Variants in WDPCP observed in about 807,000 individuals in gnomAD.
The protein encoded by WDPCP is WD repeat containing planar cell polarity effector.
Under a neutral mutation model 93.1 loss-of-function variants are expected in WDPCP, and 71 were observed. That is an observed-to-expected ratio of 0.76 (90% CI 0.63 to 0.93). The LOEUF (loss-of-function observed/expected upper bound fraction) is 0.93, where lower values mean the gene tolerates loss of function less well. WDPCP is among the 40% of genes least tolerant of loss of function. The probability of loss-of-function intolerance (pLI) is 0.00; values close to 1 mark genes in which losing one functional copy is unlikely to be tolerated. For missense variants in WDPCP, 844 were observed against 887.4 expected, an observed-to-expected ratio of 0.95 and a Z score of 0.62; for synonymous variants, 315 against 315.0, an observed-to-expected ratio of 1.00 and a Z score of 0.00.
At chr2:63,411,907 T>A (rs1398750390) in intron 9 of WDPCP, among the ~76,000 whole-genome samples, 2 of 151,886 alleles carry the variant, frequency 1.3e-5, no homozygotes, top group Admixed American at 6.6e-5. Flanking sequence ...AACAAAAAAA[T>A]GTCCAGGATC....
Position 63,381,934 on chromosome 2 carries a change from A to C in WDPCP, c.1596T>G (p.Leu532=), listed in dbSNP as rs762400349. The C allele has an allele frequency of 6.2e-6, 10 of 1,613,488 alleles. No individual in the cohort carries two copies. The highest frequency in any genetic ancestry group is 1.7e-4 in the Middle Eastern group (1 of 6,050). ...ISMSAIVNHL[L]RQKLTPEREA... is the part of the protein sequence containing the mutation. ...CTCTCTCTGGAGTGAGCTTCTGTCT[A>C]AGAAGATGGTTTACAATGGCGCTCA... Residue 532 remains leucine (L), a synonymous_variant, in exon 11 of 18, where the codon CTT becomes CTG. Transcript: ENST00000272321.
chr2:63,460,960 C>T (rs1251249698), intron 6 of WDPCP, among the ~76,000 whole-genome samples: 2 of 152,210 alleles, frequency 1.3e-5, no homozygotes, highest in East Asian at 3.9e-4. Context: ...AAAGGAAATA[C>T]ATGATGTTCT....
intron 2 of WDPCP, among the ~76,000 whole-genome samples, chr2:63,719,695 T>C (rs1034448313): frequency 1.3e-5 from 2 of 152,102 alleles, no homozygotes; most frequent in African/African-American, 2.4e-5. Context: ...TACATTCTTT[T>C]TGAGCGTATG....
intron 1 of WDPCP, among the ~76,000 whole-genome samples, chr2:63,548,394 C>A (rs183232681): frequency 1.3e-5 from 2 of 151,856 alleles, no homozygotes; most frequent in Non-Finnish European, 2.9e-5. Flanking sequence ...CAATAACATA[C>A]CTTCAAAATA....
At chr2:63,588,070 T>C (rs1708994236) in intron 1 of WDPCP, 127 bp downstream of exon 1, 3 of 1,192,064 alleles carry the variant, frequency 2.5e-6, no homozygotes, top group Non-Finnish European at 3.6e-6. Context: ...CATACTCCGC[T>C]CAGAAAAGGG....
chr2:63,626,882 G>T (rs947839465), intron 3 of WDPCP, among the ~76,000 whole-genome samples: 1 of 151,864 alleles, frequency 6.6e-6, no homozygotes, highest in African/African-American at 2.4e-5. Flanking sequence ...GTAGATGACG[G>T]GTTGATGGGT....
At chr2:63,153,347 G>T in intron 16 of WDPCP, 148 bp downstream of exon 16, 1 of 563,658 alleles carries the variant, frequency 1.8e-6, no homozygotes, top group Non-Finnish European at 3.1e-6. Flanking sequence ...CAGGCAACTT[G>T]GTATTTTATA....
At chr2:63,490,633 G>A (rs751053469) in intron 2 of WDPCP, among the ~76,000 whole-genome samples, 1 of 152,170 alleles carries the variant, frequency 6.6e-6, no homozygotes, top group Non-Finnish European at 1.5e-5. Flanking sequence ...TGCAGTTGGG[G>A]TTGAAGACTA....
intron 17 of WDPCP, among the ~76,000 whole-genome samples, chr2:63,122,419 A>G (rs947401474): frequency 6.6e-6 from 1 of 152,196 alleles, no homozygotes; most frequent in African/African-American, 2.4e-5. Flanking sequence ...AAGGTATTAT[A>G]TAGCATATAT....
At chr2:63,478,484 A>C (rs536009356) in intron 6 of WDPCP, among the ~76,000 whole-genome samples, 144 of 152,264 alleles carry the variant, frequency 9.5e-4, no homozygotes, top group African/African-American at 3.4e-3. Context: ...AAATTATATC[A>C]AGTACTCTCT....
At chr2:63,527,483 C>A (rs1259781610) in intron 1 of WDPCP, among the ~76,000 whole-genome samples, 3 of 151,244 alleles carry the variant, frequency 2.0e-5, no homozygotes, top group Non-Finnish European at 4.4e-5. Flanking sequence ...GGTTTTCTGT[C>A]CTTGCGATAG....
chr2:63,713,481 C>G (rs1020291763), intron 2 of WDPCP, among the ~76,000 whole-genome samples: 1 of 152,160 alleles, frequency 6.6e-6, no homozygotes, highest in Non-Finnish European at 1.5e-5. Context: ...TCTATGGGAA[C>G]GTTCTGAAAA....
chr2:63,733,490 CCG>C (rs1252593485), intron 2 of WDPCP, among the ~76,000 whole-genome samples: 1 of 147,114 alleles, frequency 6.8e-6, no homozygotes, highest in African/African-American at 2.5e-5. Flanking sequence ...GCGTGAGCCA[CCG>C]CGCCCGGCCG....
At chr2:63,598,712 C>T (rs1433521844) in intron 3 of WDPCP, among the ~76,000 whole-genome samples, 1 of 152,032 alleles carries the variant, frequency 6.6e-6, no homozygotes, top group Non-Finnish European at 1.5e-5. Flanking sequence ...TAGAAATCCA[C>T]AGGTGCCAGT....
chr2:63,607,699 G>A lies in WDPCP; in HGVS notation n.488+42960C>T, dbSNP rs150669497. 6.5e-3 allele frequency among the ~76,000 whole-genome samples: 978 copies of A among 151,394 alleles called. 14 individuals are homozygous for A. Among genetic ancestry groups the A allele is most frequent in the African/African-American group, 0.022 (920 of 41,294 alleles). ...CAAAAAATTAGCCAGGCGTGGTGGC[G>A]GGCACCTGTAGTCCCAGCTACTCGG... is the stretch of plus-strand genomic sequence containing the variant. On this transcript the variant is annotated intron_variant and non_coding_transcript_variant, in intron 3 of 4. Transcript: ENST00000467687.
At chr2:63,320,040 C>T (rs1686967520) in intron 12 of WDPCP, among the ~76,000 whole-genome samples, 1 of 151,780 alleles carries the variant, frequency 6.6e-6, no homozygotes, top group Non-Finnish European at 1.5e-5. Flanking sequence ...AAAACTTGAG[C>T]AAATGAGGTA....
intron 3 of WDPCP, among the ~76,000 whole-genome samples, chr2:63,615,466 G>A (rs2106633770): frequency 6.6e-6 from 1 of 152,282 alleles, no homozygotes; most frequent in Non-Finnish European, 1.5e-5. Context: ...ATAAAAGGTA[G>A]GGGTGGGGGC....
intron 1 of WDPCP, among the ~76,000 whole-genome samples, chr2:63,561,764 G>GA (rs1474286500): frequency 6.6e-6 from 1 of 152,086 alleles, no homozygotes. Context: ...ACAAACATGT[G>GA]AACAAAAGCT....
intron 13 of WDPCP, among the ~76,000 whole-genome samples, chr2:63,267,984 G>C (rs1328110521): frequency 2.0e-5 from 3 of 151,966 alleles, no homozygotes; most frequent in African/African-American, 7.3e-5. Flanking sequence ...ATATCCAAAG[G>C]GATTGAAATT....
Sources: gnomAD v4.1 joint callset for allele counts (sites outside exome capture counted in the v4.1 genomes callset) on GRCh38, gnomAD v4.1.1 for gene constraint, MANE v1.5 for transcripts, NCBI Gene and HGNC (gene_info 2026-07-23, HGNC 2026-07-21) for gene names.